The following TSC22D4 variants were observed in gnomAD, a reference collection of about 807,000 sequenced individuals.
TSC22D4 encodes the protein TSC22 domain family member 4.
Under a neutral mutation model 24.9 loss-of-function variants are expected in TSC22D4, and 5 were observed. The ratio of observed to expected loss-of-function variants is 0.20; its 90% CI spans 0.10 to 0.42. The LOEUF (loss-of-function observed/expected upper bound fraction) is 0.42, where lower values mean the gene tolerates loss of function less well. Ranked by LOEUF, TSC22D4 falls within the 10% of genes least tolerant of loss-of-function variation. The pLI, the probability that TSC22D4 is intolerant of heterozygous loss-of-function variation, is 1.00. For synonymous variants in TSC22D4, 245 were observed against 243.2 expected, an observed-to-expected ratio of 1.01 and a Z score of -0.07; for missense variants, 469 against 547.9, an observed-to-expected ratio of 0.86 and a Z score of 1.44.
rs369842774 is a variant in TSC22D4 at position 100,469,209 on chromosome 7, A to G, written c.930-1609T>C. 2.0e-5 allele frequency among the ~76,000 whole-genome samples: 3 copies of G among 151,054 alleles called. No homozygotes were observed. In the East Asian group the frequency reaches 5.8e-4, roughly 29 times the overall value. On this transcript the variant is annotated intron_variant, in intron 3 of 4. Coordinates refer to ENST00000300181, the MANE Select transcript of TSC22D4 (RefSeq NM_030935.5). ...GCCACTGAATTCCAGCCTGGACAAC[A>G]AGAGCAAAACTCTGTCTTAAAAAAA...
rs1799574244 is a variant in TSC22D4, at chr7:100,479,117, A to AGTCTCCTCCCGC, written c.-605_-594dup. ...TGGCAGCCAGCGAGTGGGTGTCCCG[A>AGTCTCCTCCCGC]GTCTCCTCCCGCGTGACCCTGCTGG... is the stretch of plus-strand genomic sequence containing the variant. On this transcript the variant is annotated 5_prime_UTR_variant, in exon 1 of 5. Coordinates refer to ENST00000300181, the MANE Select transcript of TSC22D4 (RefSeq NM_030935.5). The AGTCTCCTCCCGC allele has an allele frequency of 6.6e-6, 1 of 152,104 alleles. No homozygotes were observed. The highest frequency in any genetic ancestry group is 6.6e-5 in the Admixed American group (1 of 15,252). 9.4% of individuals were successfully genotyped at this position (152,104 alleles called of 1,614,324 possible). A position where few individuals can be genotyped will look rare whatever the true frequency, so the allele number is the denominator to read the frequency against.
Position 100,467,104 on chromosome 7 carries a change from A to T in TSC22D4, c.1043T>A (p.Ile348Asn). The change falls in exon 5 of 5, where the codon ATC becomes AAC. Residue 348 changes from isoleucine (I) to asparagine (N), a missense_variant. Physicochemically the swap from Ile to Asn is moderately radical, Grantham distance 149 (BLOSUM62 -3). Coordinates refer to ENST00000300181, the MANE Select transcript of TSC22D4 (RefSeq NM_030935.5). ...AGCGTTCCGCTCCGCCAATTCCCGG[A>T]TCTGCTCCTTCAGCACCTCCACCTC... The part of the protein sequence containing the change: ...REEVEVLKEQ[I>N]RELAERNAAL... 6.2e-7 allele frequency: 1 copy of T among 1,614,116 alleles called. No individual in the cohort carries two copies.
Position 100,474,197 on chromosome 7 carries a change from C to A in TSC22D4, c.929+77G>T. On this transcript the variant is annotated intron_variant, in intron 3 of 4. Transcript: ENST00000300181. This position sits in a 1 kb window ranked among gnomAD's most constrained non-coding sequence, Gnocchi z 4.3. ...ACCTGGGGGAAGGATGCCTACCAGG[C>A]ACTTTCTTACAGCTACCCCGGGTGC... 6.4e-7 allele frequency: 1 copy of A among 1,569,380 alleles called. No homozygotes were observed. Among genetic ancestry groups the A allele is most frequent in the South Asian group, 1.1e-5 (1 of 87,182 alleles).
intron 3 of TSC22D4, 45 bp from the exon 4 acceptor site, chr7:100,467,645 C>T (rs2131039278): frequency 6.3e-7 from 1 of 1,599,968 alleles, no homozygotes; most frequent in Non-Finnish European, 8.6e-7. Context: ...AGAAGCCTTC[C>T]CAGGTGCTGG....
Position 100,477,305 on chromosome 7 carries a change from T to G in TSC22D4, c.734A>C (p.Glu245Ala). 6.6e-7 allele frequency: 1 copy of G among 1,521,894 alleles called. No individual in the cohort carries two copies. Among genetic ancestry groups the G allele is most frequent in the Admixed American group, 2.2e-5 (1 of 44,804 alleles). 94.3% of individuals were successfully genotyped at this position (1,521,894 alleles called of 1,614,324 possible). The part of the protein sequence containing the change: ...RKAVDMRLRM[E>A]LGAPEEMGQV... ...CCCCATCTCTTCTGGAGCACCCAAC[T>G]CCATCCGCAGCCGCATGTCTACAGC... is the stretch of plus-strand genomic sequence containing the variant. The change falls in exon 2 of 5, where the codon GAG becomes GCG. Residue 245 changes from glutamate (E) to alanine (A), a missense_variant. Coordinates refer to ENST00000300181, the MANE Select transcript of TSC22D4 (RefSeq NM_030935.5). The surrounding 1 kb of genome is among the most constrained non-coding windows in gnomAD (Gnocchi z 7.8).
chr7:100,467,722 A>T (rs1279791272), intron 3 of TSC22D4, 122 bp from the exon 4 acceptor site: 10 of 1,058,162 alleles, frequency 9.5e-6, no homozygotes, highest in Non-Finnish European at 1.4e-5. Context: ...GAGGGAGAGG[A>T]GGGTTTTGTC....
intron 3 of TSC22D4, 79 bp from the exon 4 acceptor site, chr7:100,467,679 C>T (rs766162555): frequency 7.5e-7 from 1 of 1,327,962 alleles, no homozygotes; most frequent in Non-Finnish European, 1.1e-6. Context: ...AGCCTCCCGC[C>T]CACACCCCCC....
chr7:100,467,240 G>T (rs773716528), intron 4 of TSC22D4, 72 bp from the exon 5 acceptor site: 4 of 1,498,764 alleles, frequency 2.7e-6, no homozygotes. Flanking sequence ...CTTGAGGGCT[G>T]GGGTGGGAGA....
rs553354669 is a variant in TSC22D4 at position 100,474,491 on chromosome 7, C to G, written c.763-51G>C. ...CACATGAAAAGAGAAAAGAAAGGAA[C>G]CAGCTGCCTTAAAACTTGCCTATTA... On this transcript the variant is annotated intron_variant, in intron 2 of 4. Coordinates refer to ENST00000300181, the MANE Select transcript of TSC22D4 (RefSeq NM_030935.5). This position sits in a 1 kb window ranked among gnomAD's most constrained non-coding sequence, Gnocchi z 4.3. 5.2e-5 allele frequency: 84 copies of G among 1,605,414 alleles called. No homozygotes were observed. The highest frequency in any genetic ancestry group is 6.0e-5 in the Non-Finnish European group (71 of 1,175,484).
intron 2 of TSC22D4, among the ~76,000 whole-genome samples, chr7:100,476,927 A>C (rs934683543): frequency 6.6e-6 from 1 of 152,038 alleles, no homozygotes; most frequent in African/African-American, 2.4e-5. Flanking sequence ...CTACCCAGCT[A>C]TCCAGCTGGG....
In TSC22D4 at chr7:100,466,732, T is replaced by C; in HGVS notation, c.*227A>G. ...CCCAGGAGGGAGGGTGGGGGTTGGT[T>C]CCCTCCCAGAGGGGGCTCCCTCTGA... is the stretch of plus-strand genomic sequence containing the variant. On this transcript the variant is annotated 3_prime_UTR_variant, in exon 5 of 5. Transcript: ENST00000300181. 1 of 563,472 alleles carries C rather than the reference T, an allele frequency of 1.8e-6. No individual in the cohort carries two copies. Among genetic ancestry groups the C allele is most frequent in the Non-Finnish European group, 3.1e-6 (1 of 322,696 alleles). The allele number at this position is 563,472 out of a possible 1,614,324, so 34.9% of individuals were successfully genotyped here. A position where few individuals can be genotyped will look rare whatever the true frequency, so the allele number is the denominator to read the frequency against.
rs1372023974 is a variant in TSC22D4, at chr7:100,474,124, G to C, written c.929+150C>G. 1 of 979,438 alleles carries C rather than the reference G, an allele frequency of 1.0e-6. No homozygotes were observed. The highest frequency in any genetic ancestry group is 2.6e-5 in the East Asian group (1 of 38,520). 60.7% of individuals were successfully genotyped at this position (979,438 alleles called of 1,614,324 possible). On this transcript the variant is annotated intron_variant, in intron 3 of 4. Transcript: ENST00000300181. This position sits in a 1 kb window ranked among gnomAD's most constrained non-coding sequence, Gnocchi z 4.3. ...GTGGGTCCGAAATCAACTGTGTGCA[G>C]TGGCTATGCCCAGGCCAGGTTTCTC...
At chr7:100,475,601 C>T (rs1453358171) in intron 2 of TSC22D4, among the ~76,000 whole-genome samples, 1 of 152,124 alleles carries the variant, frequency 6.6e-6, no homozygotes, top group South Asian at 2.1e-4. Flanking sequence ...CCTCACCCAC[C>T]CCCCACTCTC....
chr7:100,467,853 C>T lies in TSC22D4; in HGVS notation c.930-253G>A, dbSNP rs1413956269. 3.6e-5 allele frequency: 24 copies of T among 675,438 alleles called. No individual in the cohort carries two copies. The East Asian group carries it at 6.8e-4, about 19-fold the overall frequency. The allele number at this position is 675,438 out of a possible 1,614,324, so 41.8% of individuals were successfully genotyped here. On this transcript the variant is annotated intron_variant, in intron 3 of 4. Coordinates refer to ENST00000300181, the MANE Select transcript of TSC22D4 (RefSeq NM_030935.5). ...GAGAGCAAGGGGAAGAGGCACAGCC[C>T]CTTTTTCGGGGCAGCCCCGGAGCCA...
Position 100,478,271 on chromosome 7 carries a change from T to C in TSC22D4, c.-233A>G, listed in dbSNP as rs1799549134. 2.0e-6 allele frequency: 1 copy of C among 503,962 alleles called. No individual in the cohort carries two copies. The highest frequency in any genetic ancestry group is 2.0e-5 in the African/African-American group (1 of 48,898). 31.2% of individuals were successfully genotyped at this position (503,962 alleles called of 1,614,324 possible). ...GGGAGCAGGGGCAGGTTTTTCCTGC[T>C]GCTGTTGCTGCTGAACTCCAGAGCT... On this transcript the variant is annotated 5_prime_UTR_variant, in exon 2 of 5. Coordinates refer to ENST00000300181, the MANE Select transcript of TSC22D4 (RefSeq NM_030935.5).
chr7:100,467,317 G>T, intron 4 of TSC22D4, 149 bp from the exon 5 acceptor site: 1 of 938,474 alleles, frequency 1.1e-6, no homozygotes, highest in Non-Finnish European at 1.7e-6. Flanking sequence ...ACGAGGGACA[G>T]AGGCAGAGTC....
Position 100,477,190 on chromosome 7 carries a change from G to C in TSC22D4, c.762+87C>G, listed in dbSNP as rs996008275. ...ATCTTATAAAGTGATGGAGAAGGAG[G>C]AGGAGAGGGGGGGGAGGAGGAGGAA... On this transcript the variant is annotated intron_variant, in intron 2 of 4. Coordinates refer to ENST00000300181, the MANE Select transcript of TSC22D4 (RefSeq NM_030935.5). The surrounding 1 kb of genome is among the most constrained non-coding windows in gnomAD (Gnocchi z 7.8). 11 of 1,026,970 alleles carry C rather than the reference G, an allele frequency of 1.1e-5. No individual in the cohort carries two copies. Among genetic ancestry groups the C allele is most frequent in the Non-Finnish European group, 1.3e-5 (10 of 754,084 alleles). The allele number at this position is 1,026,970 out of a possible 1,614,324, so 63.6% of individuals were successfully genotyped here.
chr7:100,477,888 C>A lies in TSC22D4; in HGVS notation c.151G>T (p.Asp51Tyr). Residue 51 changes from aspartate to tyrosine, a missense_variant, in exon 2 of 5, where the codon GAT becomes TAT. Asp to Tyr is a radical substitution (Grantham distance 160). Transcript: ENST00000300181. This position sits in a 1 kb window ranked among gnomAD's most constrained non-coding sequence, Gnocchi z 7.8. ...PRLPNGEPSP[D>Y]PGGKGTPRNG... ...CGGGGGGTGCCCTTGCCCCCCGGATCGGGGCTGGGCTCCCCATTGGGCAGG... is the reference window on the plus strand; with the variant it reads ...CGGGGGGTGCCCTTGCCCCCCGGATAGGGGCTGGGCTCCCCATTGGGCAGG... 6.7e-7 allele frequency: 1 copy of A among 1,500,718 alleles called. No individual in the cohort carries two copies. Among genetic ancestry groups the A allele is most frequent in the East Asian group, 2.6e-5 (1 of 38,004 alleles). 93.0% of individuals were successfully genotyped at this position (1,500,718 alleles called of 1,614,324 possible). A position where few individuals can be genotyped will look rare whatever the true frequency, so the allele number is the denominator to read the frequency against.
At position 100,477,844 on chromosome 7, in the gene TSC22D4, A is replaced by G; in HGVS notation, c.195T>C (p.Pro65=). 6.3e-7 allele frequency: 1 copy of G among 1,591,792 alleles called. No homozygotes were observed. The highest frequency in any genetic ancestry group is 8.5e-7 in the Non-Finnish European group (1 of 1,171,112). The change falls in exon 2 of 5, where the codon CCT becomes CCC. Residue 65 remains proline, a synonymous_variant. Transcript: ENST00000300181. The surrounding 1 kb of genome is among the most constrained non-coding windows in gnomAD (Gnocchi z 7.8). Reference sequence around the variant, plus strand: ...CCCGGAAACGGGAGGAAGGGGCCCCAGGTGGTGGGGAGCCATTCCGGGGGG... The same window carrying G: ...CCCGGAAACGGGAGGAAGGGGCCCCGGGTGGTGGGGAGCCATTCCGGGGGG... ...KGTPRNGSPP[P]GAPSSRFRVV...
Sources: allele counts gnomAD v4.1 joint callset (sites outside exome capture counted in the v4.1 genomes callset), GRCh38; gene constraint gnomAD v4.1.1; non-coding constraint Gnocchi (gnomAD v3.1); transcripts MANE v1.5; gene names NCBI Gene and HGNC (gene_info 2026-07-23, HGNC 2026-07-21).